The following APC variants were observed in gnomAD, a reference collection of about 807,000 sequenced individuals.
APC encodes the protein adenomatous polyposis coli protein.
A neutral mutation model predicts 247.0 loss-of-function variants in APC; 72 were observed. That is an observed-to-expected ratio of 0.29 (90% confidence interval 0.24 to 0.35). The LOEUF is 0.35. Ranked by LOEUF, APC falls within the 10% of genes least tolerant of loss-of-function variation. APC has a pLI of 1.00. For synonymous variants in APC, 1,254 were observed against 1,162.5 expected (o/e 1.08, Z -1.60); for missense variants, 3,400 against 3,360.7 (o/e 1.01, Z -0.29).
In APC at chr5:112,836,165, T is replaced by TTCCCC. The variant is rs1554083526; in HGVS notation, c.1958+1000_1958+1001insTCCCC. Among the ~76,000 whole-genome samples the TTCCCC allele has an allele frequency of 9.0e-3, 220 of 24,470 alleles. 14 individuals are homozygous for TTCCCC. Among genetic ancestry groups the TTCCCC allele is most frequent in the Middle Eastern group, 0.045 (1 of 22 alleles). The allele number at this position is 24,470 out of a possible 152,430, so 16.1% of individuals were successfully genotyped here. ...CCTCCCGAGTAGCTGGGATTACAGG[T>TTCCCC]CCCCCCCCCCCCCCGCCACCGTGCC... is the stretch of plus-strand genomic sequence containing the variant. On this transcript the variant is annotated intron_variant, in intron 15 of 15. Transcript: ENST00000257430.
chr5:112,721,185 G>T (rs1751463164), intron 1 of APC, among the ~76,000 whole-genome samples: 1 of 152,102 alleles, frequency 6.6e-6, no homozygotes. Flanking sequence ...AAGCCGAGGT[G>T]GGTGGATCAC....
Position 112,781,000 on chromosome 5 carries a change from A to T in APC, c.645+97A>T, listed in dbSNP as rs543237568. 3 of 852,262 alleles carry T rather than the reference A, an allele frequency of 3.5e-6. No homozygotes were observed. In the Admixed American group the frequency reaches 6.1e-5, roughly 17 times the overall value. The allele number at this position is 852,262 out of a possible 1,614,324, so 52.8% of individuals were successfully genotyped here. ...ATATTGATTAAATTTTATTAAAGACATAAGGCTGTGTTTATTTTGGCTCTA... is the reference window on the plus strand; with the variant it reads ...ATATTGATTAAATTTTATTAAAGACTTAAGGCTGTGTTTATTTTGGCTCTA... On this transcript the variant is annotated intron_variant, in intron 6 of 15. Transcript: ENST00000257430.
At position 112,837,010 on chromosome 5, in the gene APC, C is replaced by T. The variant is rs114200479; in HGVS notation, c.1959-543C>T. On this transcript the variant is annotated intron_variant, in intron 15 of 15. Coordinates refer to ENST00000257430, the MANE Select transcript of APC (RefSeq NM_000038.6). ...GCCACTGTGTCTGGCCAAGAGCACT[C>T]GTAAGAAGGATGGCAGTATCACAAA... 8.2e-3 allele frequency among the ~76,000 whole-genome samples: 1,248 copies of T among 152,142 alleles called. 19 individuals are homozygous for T. Among genetic ancestry groups the T allele is most frequent in the African/African-American group, 0.029 (1,186 of 41,506 alleles).
chr5:112,727,565 A>G (rs1751858653), intron 1 of APC, among the ~76,000 whole-genome samples: 1 of 152,074 alleles, frequency 6.6e-6, no homozygotes, highest in Non-Finnish European at 1.5e-5. Context: ...ATCAATTATG[A>G]TATATTTTCA....
chr5:112,709,641 TG>T (rs1285477899), intron 1 of APC, among the ~76,000 whole-genome samples: 1 of 152,148 alleles, frequency 6.6e-6, no homozygotes, highest in Non-Finnish European at 1.5e-5. Flanking sequence ...GGCTCATGCC[TG>T]TAATTCCAGC....
intron 2 of APC, among the ~76,000 whole-genome samples, chr5:112,760,851 C>A (rs1448325815): frequency 2.6e-5 from 4 of 151,906 alleles, no homozygotes; most frequent in African/African-American, 9.7e-5. Flanking sequence ...GCTCTGTCGC[C>A]CAGTCTGGAG....
chr5:112,717,853 T>A (rs1751256655), intron 1 of APC, among the ~76,000 whole-genome samples: 1 of 151,126 alleles, frequency 6.6e-6, no homozygotes, highest in African/African-American at 2.4e-5. Context: ...ACTAGTTTAG[T>A]ATGTTAGGCC....
intron 1 of APC, among the ~76,000 whole-genome samples, chr5:112,717,908 CTTTTTTTTTTTTTTT>C: frequency 5.4e-4 from 22 of 40,658 alleles, no homozygotes; most frequent in Admixed American, 1.7e-3. Context: ...TTTTCTTTTT[CTTTTTTTTTTTTTTT>C]TTTTTTTTTT....
In APC at chr5:112,846,213, C is replaced by T. The variant is rs886059820; in HGVS notation, c.*2087C>T. 84 of 230,384 alleles carry T rather than the reference C, an allele frequency of 3.6e-4. 2 individuals are homozygous for T. Among genetic ancestry groups the T allele is most frequent in the African/African-American group, 1.8e-3 (80 of 45,318 alleles). The allele number at this position is 230,384 out of a possible 1,614,324, so 14.3% of individuals were successfully genotyped here. A position where few individuals can be genotyped will look rare whatever the true frequency, so the allele number is the denominator to read the frequency against. ...CATCTACTTCTGTTGTTTTCCCAGG[C>T]TTCCATAAACAATGGAGATACATGC... is the stretch of plus-strand genomic sequence containing the variant. On this transcript the variant is annotated 3_prime_UTR_variant, in exon 16 of 16. Coordinates refer to ENST00000257430, the MANE Select transcript of APC (RefSeq NM_000038.6).
chr5:112,782,457 T>A (rs1210856055), intron 6 of APC, among the ~76,000 whole-genome samples: 4 of 152,186 alleles, frequency 2.6e-5, no homozygotes, highest in Non-Finnish European at 5.9e-5. Context: ...AAAACACCAG[T>A]ACCATACTAC....
intron 7 of APC, 52 bp from the exon 8 acceptor site, chr5:112,801,227 A>T (rs1760782539): frequency 6.7e-7 from 1 of 1,488,622 alleles, no homozygotes; most frequent in Non-Finnish European, 9.3e-7. Context: ...GCCTTGGGCT[A>T]AGAAAGCCTA....
At chr5:112,783,419 G>A (rs540157105) in intron 6 of APC, among the ~76,000 whole-genome samples, 2 of 151,984 alleles carry the variant, frequency 1.3e-5, no homozygotes, top group Non-Finnish European at 2.9e-5. Context: ...AGATAAAAAG[G>A]CAAATAATGG....
chr5:112,777,077 C>T lies in APC; in HGVS notation c.531+1340C>T, dbSNP rs77722471. Among the ~76,000 whole-genome samples, 183 of 152,070 alleles carry T rather than the reference C, an allele frequency of 1.2e-3. 2 individuals carry two copies. The East Asian group carries it at 0.029, about 24-fold the overall frequency. On this transcript the variant is annotated intron_variant, in intron 5 of 15. Coordinates refer to ENST00000257430, the MANE Select transcript of APC (RefSeq NM_000038.6). ...TTAAAATTATCCAATTTAAATTGTC[C>T]AATTAAAATCATTCATTTAACTTGA...
chr5:112,829,128 TA>T, intron 14 of APC, 156 bp downstream of exon 14: 2 of 600,246 alleles, frequency 3.3e-6, no homozygotes, highest in South Asian at 1.8e-5. Flanking sequence ...TGCCTTCTTT[TA>T]GCCATGAGAT....
chr5:112,799,732 AT>A (rs1287816830), intron 7 of APC, among the ~76,000 whole-genome samples: 2 of 152,076 alleles, frequency 1.3e-5, no homozygotes, highest in Non-Finnish European at 2.9e-5. Flanking sequence ...TAAAATTTAA[AT>A]TTTTTTATCA....
At chr5:112,780,669 A>T in intron 5 of APC, 121 bp from the exon 6 acceptor site, 1 of 700,718 alleles carries the variant, frequency 1.4e-6, no homozygotes, top group Non-Finnish European at 2.5e-6. Context: ...TAATTTTCTC[A>T]TGCACCATGA....
Position 112,843,665 on chromosome 5 carries a change from A to G in APC, c.8071A>G (p.Asn2691Asp), listed in dbSNP as rs1060503281. 24 of 1,614,012 alleles carry G rather than the reference A, an allele frequency of 1.5e-5. No homozygotes were observed. Among genetic ancestry groups the G allele is most frequent in the Admixed American group, 3.3e-5 (2 of 60,018 alleles). ...PVIDSVSEKANPNIKDSKDNQ... is the reference protein window; with the variant it reads ...PVIDSVSEKADPNIKDSKDNQ... Reference sequence around the variant, plus strand: ...GATTGACAGTGTTTCAGAAAAGGCAAATCCAAACATTAAAGATTCAAAAGA... The same window carrying G: ...GATTGACAGTGTTTCAGAAAAGGCAGATCCAAACATTAAAGATTCAAAAGA... The change falls in exon 16 of 16, where the codon AAT becomes GAT. Residue 2691 changes from asparagine to aspartate, a missense_variant. Coordinates refer to ENST00000257430, the MANE Select transcript of APC (RefSeq NM_000038.6). The surrounding 1 kb of genome is among the most constrained non-coding windows in gnomAD (Gnocchi z 4.8).
intron 4 of APC, among the ~76,000 whole-genome samples, chr5:112,767,734 G>A (rs937731016): frequency 5.9e-5 from 9 of 151,870 alleles, no homozygotes; most frequent in East Asian, 3.9e-4. Context: ...GGGTTCAAGC[G>A]GTTCTTGTGC....
At chr5:112,720,733 G>A (rs1373777716) in intron 1 of APC, among the ~76,000 whole-genome samples, 1 of 152,208 alleles carries the variant, frequency 6.6e-6, no homozygotes, top group Admixed American at 6.5e-5. Context: ...AGGAGACATA[G>A]TAGCCCTGCT....
Sources: gnomAD v4.1 joint callset for allele counts (sites outside exome capture counted in the v4.1 genomes callset) on GRCh38, gnomAD v4.1.1 for gene constraint, Gnocchi (gnomAD v3.1) non-coding constraint, MANE v1.5 for transcripts, NCBI Gene and HGNC (gene_info 2026-07-23, HGNC 2026-07-21) for gene names.